Variants in GATM observed in about 807,000 individuals in gnomAD.
GATM encodes the protein glycine amidinotransferase.
In GATM, 23 loss-of-function variants were observed where a neutral mutation model predicts 54.2. The ratio of observed to expected loss-of-function variants is 0.42; its 90% CI spans 0.31 to 0.60. The LOEUF (loss-of-function observed/expected upper bound fraction) is 0.60. Ranked by LOEUF, GATM falls within the 20% of genes least tolerant of loss-of-function variation. The probability of loss-of-function intolerance (pLI) is 0.14; values close to 1 mark genes in which losing one functional copy is unlikely to be tolerated. For missense variants in GATM, 401 were observed against 544.9 expected (o/e 0.74, Z 2.63); for synonymous variants, 168 against 183.1 (o/e 0.92, Z 0.67).
intron 2 of GATM, among the ~76,000 whole-genome samples, chr15:45,397,820 T>C (rs1468402506): frequency 6.6e-6 from 1 of 152,118 alleles, no homozygotes; most frequent in Non-Finnish European, 1.5e-5. Flanking sequence ...GCCCTGAACC[T>C]GTGGAGTCTG....
At position 45,376,594 on chromosome 15, in the gene GATM, C is replaced by G. The variant is rs746510701; in HGVS notation, c.288+7G>C. The G allele has an allele frequency of 1.2e-6, 2 of 1,613,636 alleles. No individual in the cohort carries two copies. The highest frequency in any genetic ancestry group is 1.7e-6 in the Non-Finnish European group (2 of 1,179,588). Reference sequence around the variant, plus strand: ...CACTTTCAGACATGTGAATAGCCTTCCTTTACCTTCACCTCGATGGTGAAC... The same window carrying G: ...CACTTTCAGACATGTGAATAGCCTTGCTTTACCTTCACCTCGATGGTGAAC... On this transcript the variant is annotated splice_region_variant and intron_variant, in intron 2 of 8. Coordinates refer to ENST00000396659, the MANE Select transcript of GATM (RefSeq NM_001482.3).
chr15:45,369,192 AT>A, intron 3 of GATM, 133 bp downstream of exon 3: 1 of 704,004 alleles, frequency 1.4e-6, no homozygotes, highest in East Asian at 2.6e-5. Flanking sequence ...CCATTCCTAA[AT>A]AAATCTTTAA....
intron 3 of GATM, among the ~76,000 whole-genome samples, chr15:45,384,127 C>T (rs1487606332): frequency 1.3e-5 from 2 of 152,216 alleles, no homozygotes; most frequent in Non-Finnish European, 2.9e-5. Context: ...TTGATTTTCT[C>T]ACAGATTCTC....
At chr15:45,377,388 T>C in intron 1 of GATM, 1 of 399,868 alleles carries the variant, frequency 2.5e-6, no homozygotes, top group Non-Finnish European at 4.8e-6. Context: ...TCGCATTCTT[T>C]GGCACTTCAA....
Position 45,390,014 on chromosome 15 carries a change from T to A in GATM, c.-319+6908A>T, listed in dbSNP as rs544257960. 2.6e-5 allele frequency among the ~76,000 whole-genome samples: 4 copies of A among 152,004 alleles called. No individual in the cohort carries two copies. The South Asian group carries it at 8.3e-4, about 32-fold the overall frequency. On this transcript the variant is annotated intron_variant, in intron 3 of 4. Coordinates refer to the GATM transcript ENST00000561148. ...AGCTGGGACTACAGGCACACACCCA[T>A]CTAATTTTTGCGTTTTTAGTGGAGA...
At chr15:45,397,937 C>T (rs894227983) in intron 2 of GATM, among the ~76,000 whole-genome samples, 1 of 152,198 alleles carries the variant, frequency 6.6e-6, no homozygotes, top group African/African-American at 2.4e-5. Context: ...CCAACCAACA[C>T]CTGGTGTCAG....
chr15:45,364,377 A>T, intron 7 of GATM: 1 of 299,202 alleles, frequency 3.3e-6, no homozygotes, highest in East Asian at 8.2e-5. Flanking sequence ...ACAAATAAAA[A>T]AAAATAACTT....
In GATM at chr15:45,362,246, A is replaced by G. The variant is rs372050971; in HGVS notation, c.1160-25T>C. ...CCTGCATTGAAAGAGAGATGAGGTC[A>G]GTTAGATGGACTAACATGACGATTC... On this transcript the variant is annotated intron_variant, in intron 8 of 8. Coordinates refer to ENST00000396659, the MANE Select transcript of GATM (RefSeq NM_001482.3). The G allele has an allele frequency of 5.7e-5, 77 of 1,345,424 alleles. No homozygotes were observed. The African/African-American group carries it at 1.0e-3, about 18-fold the overall frequency. The allele number at this position is 1,345,424 out of a possible 1,614,324, so 83.3% of individuals were successfully genotyped here. A position where few individuals can be genotyped will look rare whatever the true frequency, so the allele number is the denominator to read the frequency against.
chr15:45,386,245 A>G (rs1450593401), intron 3 of GATM, among the ~76,000 whole-genome samples: 1 of 152,250 alleles, frequency 6.6e-6, no homozygotes, highest in Non-Finnish European at 1.5e-5. Context: ...AATTCTGGAA[A>G]GAAATTTACC....
intron 7 of GATM, chr15:45,364,491 C>T (rs1031623301): frequency 5.6e-6 from 2 of 355,400 alleles, no homozygotes; most frequent in Non-Finnish European, 1.0e-5. Flanking sequence ...GCTGTGACTG[C>T]ACAACTGCAC....
intron 3 of GATM, among the ~76,000 whole-genome samples, chr15:45,386,212 G>A (rs767813410): frequency 4.6e-5 from 7 of 152,160 alleles, no homozygotes; most frequent in African/African-American, 7.2e-5. Context: ...TCTGAACCAT[G>A]TTGAACATAT....
chr15:45,378,455 G>A lies in GATM; in HGVS notation c.-2C>T. On this transcript the variant is annotated 5_prime_UTR_variant, in exon 1 of 9. Coordinates refer to ENST00000396659, the MANE Select transcript of GATM (RefSeq NM_001482.3). ...GCGCAGACACCGCACCCGCAGCATC[G>A]CCCTGGCCCGGCTGGTCCACGCGCG... is the stretch of plus-strand genomic sequence containing the variant. 6.8e-7 allele frequency: 1 copy of A among 1,463,168 alleles called. No homozygotes were observed. Among genetic ancestry groups the A allele is most frequent in the Non-Finnish European group, 9.0e-7 (1 of 1,113,836 alleles). 90.6% of individuals were successfully genotyped at this position (1,463,168 alleles called of 1,614,324 possible).
upstream of GATM, chr15:45,380,123 CAAAAAAAAAAAAAAAAA>C (rs71114345): frequency 4.0e-5 from 1 of 24,906 alleles, no homozygotes; most frequent in African/African-American, 1.6e-4. Context: ...GACTCCGTCT[CAAAAAAAAAAAAAAAAA>C]AAAAAAAAAA....
chr15:45,370,144 G>T (rs1889516078), intron 2 of GATM, among the ~76,000 whole-genome samples: 2 of 152,180 alleles, frequency 1.3e-5, no homozygotes, highest in South Asian at 4.1e-4. Flanking sequence ...GGGAGGCTGA[G>T]GCGGGCAGAT....
intron 1 of GATM, among the ~76,000 whole-genome samples, chr15:45,400,988 G>C (rs1441705575): frequency 6.6e-6 from 1 of 151,866 alleles, no homozygotes; most frequent in Admixed American, 6.6e-5. Context: ...TTCAAAAAAT[G>C]CAAAGCTGTT....
Position 45,368,163 on chromosome 15 carries a change from T to C in GATM, c.582A>G (p.Arg194=), listed in dbSNP as rs181118920. ...MAWRSRFFEY[R]AYRSIIKDYF... ...AGTCTTTGATAATTGACCTGTACGCTCGGTACTCAAAGAAGCGTGAACGCC... is the reference window on the plus strand; with the variant it reads ...AGTCTTTGATAATTGACCTGTACGCCCGGTACTCAAAGAAGCGTGAACGCC... Residue 194 remains arginine (R), a synonymous_variant, in exon 4 of 9, where the codon CGA becomes CGG. Transcript: ENST00000396659. This position sits in a 1 kb window ranked among gnomAD's most constrained non-coding sequence, Gnocchi z 5.1. The C allele has an allele frequency of 8.7e-6, 14 of 1,614,034 alleles. No homozygotes were observed. The highest frequency in any genetic ancestry group is 5.0e-5 in the Admixed American group (3 of 60,010).
At chr15:45,379,127 A>G (rs7164602), upstream of GATM, 48,652 of 152,088 alleles carry the variant, frequency 0.32, 8,887 homozygotes, top group East Asian at 0.83. Context: ...CTTTGGCCAT[A>G]TGCCCCTGGC....
rs745700504 is a variant in GATM, at chr15:45,362,026, C to T, written c.*83G>A. 5 of 825,346 alleles carry T rather than the reference C, an allele frequency of 6.1e-6. No individual in the cohort carries two copies. Among genetic ancestry groups the T allele is most frequent in the Non-Finnish European group, 1.1e-5 (5 of 470,942 alleles). The allele number at this position is 825,346 out of a possible 1,614,324, so 51.1% of individuals were successfully genotyped here. A position where few individuals can be genotyped will look rare whatever the true frequency, so the allele number is the denominator to read the frequency against. ...ATTGTTTAAAGCACTACAGTTCATGCACTTTTTAAAGCAGGAGAATGAACC... is the reference window on the plus strand; with the variant it reads ...ATTGTTTAAAGCACTACAGTTCATGTACTTTTTAAAGCAGGAGAATGAACC... On this transcript the variant is annotated 3_prime_UTR_variant, in exon 9 of 9. Coordinates refer to ENST00000396659, the MANE Select transcript of GATM (RefSeq NM_001482.3).
chr15:45,362,322 CT>C lies in GATM; in HGVS notation c.1160-102del, dbSNP rs375828711. On this transcript the variant is annotated intron_variant, in intron 8 of 8. Coordinates refer to ENST00000396659, the MANE Select transcript of GATM (RefSeq NM_001482.3). ...TTGGAGGAGTCCTGTGGTTCTAATC[CT>C]TAAGGATACCCAACCCAGAATAGTA... 164 of 743,008 alleles carry C rather than the reference CT, an allele frequency of 2.2e-4. No individual in the cohort carries two copies. The African/African-American group carries it at 2.5e-3, about 11-fold the overall frequency. 46.0% of individuals were successfully genotyped at this position (743,008 alleles called of 1,614,324 possible). A position where few individuals can be genotyped will look rare whatever the true frequency, so the allele number is the denominator to read the frequency against.
Sources: allele counts gnomAD v4.1 joint callset (sites outside exome capture counted in the v4.1 genomes callset), GRCh38; gene constraint gnomAD v4.1.1; non-coding constraint Gnocchi (gnomAD v3.1); transcripts MANE v1.5; gene names NCBI Gene and HGNC (gene_info 2026-07-23, HGNC 2026-07-21).